The following C17orf107 variants were observed in gnomAD, a reference collection of about 807,000 sequenced individuals.
The protein encoded by C17orf107 is chromosome 17 open reading frame 107.
C17orf107 carries 9 observed loss-of-function variants against 8.9 expected under a neutral mutation model. The observed-to-expected ratio is 1.02, with a 90% CI of 0.61 to 1.77. The LOEUF is 1.77. C17orf107 is among the 40% of genes most tolerant of loss of function. C17orf107 has a pLI of 0.00. For missense variants in C17orf107, 281 were observed against 249.0 expected (o/e 1.13, Z -0.86); for synonymous variants, 139 against 120.3 (o/e 1.16, Z -1.02).
Position 4,901,525 on chromosome 17 carries a change from C to T in C17orf107, c.*992C>T, listed in dbSNP as rs1969983678. Reference sequence around the variant, plus strand: ...TTTTCTGAGCAGGCAGGGGCTTCACCAGTATAGGCCTCTGTGTCGATGTCG... The same window carrying T: ...TTTTCTGAGCAGGCAGGGGCTTCACTAGTATAGGCCTCTGTGTCGATGTCG... On this transcript the variant is annotated 3_prime_UTR_variant, in exon 3 of 3. Coordinates refer to ENST00000381365, the MANE Select transcript of C17orf107 (RefSeq NM_001145536.2). The T allele has an allele frequency of 6.2e-7, 1 of 1,613,880 alleles. No homozygotes were observed. Among genetic ancestry groups the T allele is most frequent in the Admixed American group, 1.7e-5 (1 of 60,012 alleles).
rs1437959064 is a variant in C17orf107 at position 4,900,865 on chromosome 17, G to A, written c.*332G>A. On this transcript the variant is annotated 3_prime_UTR_variant, in exon 3 of 3. Coordinates refer to ENST00000381365, the MANE Select transcript of C17orf107 (RefSeq NM_001145536.2). ...AATGAGGAACAAGAAGACGGTCTGG[G>A]CGAGCAGGACGTTGATGGAGACCGT... The A allele has an allele frequency of 6.2e-7, 1 of 1,614,218 alleles. No homozygotes were observed. The highest frequency in any genetic ancestry group is 1.3e-5 in the African/African-American group (1 of 75,080).
chr17:4,902,977 A>G (rs1429886294), downstream of C17orf107: 2 of 1,612,774 alleles, frequency 1.2e-6, no homozygotes, highest in East Asian at 2.2e-5. This position sits in a 1 kb window ranked among gnomAD's most constrained non-coding sequence, Gnocchi z 4.0. Flanking sequence ...TCATGTCAGT[A>G]TCTGTGTGTG....
downstream of C17orf107, among the ~76,000 whole-genome samples, chr17:4,903,547 G>A (rs898483290): frequency 6.6e-6 from 1 of 152,110 alleles, no homozygotes; most frequent in Non-Finnish European, 1.5e-5. Context: ...TGCCGACAGA[G>A]TGGCAAAAAA....
Position 4,902,155 on chromosome 17 carries a change from C to T in C17orf107, c.*1622C>T, listed in dbSNP as rs1185158099. Reference sequence around the variant, plus strand: ...CCTCTCAGAGTACCCCCTTCCCCAACCAAGTCCAGCCCGCACCCCAGGCCG... The same window carrying T: ...CCTCTCAGAGTACCCCCTTCCCCAATCAAGTCCAGCCCGCACCCCAGGCCG... On this transcript the variant is annotated 3_prime_UTR_variant, in exon 3 of 3. Transcript: ENST00000381365. This position sits in a 1 kb window ranked among gnomAD's most constrained non-coding sequence, Gnocchi z 4.0. The T allele has an allele frequency of 1.2e-6, 2 of 1,613,876 alleles. No individual in the cohort carries two copies. The highest frequency in any genetic ancestry group is 1.7e-6 in the Non-Finnish European group (2 of 1,179,884).
chr17:4,901,504 C>T lies in C17orf107; in HGVS notation c.*971C>T. Reference sequence around the variant, plus strand: ...GGACCCCGTCTAGAAGCGGGTTTTTCTGAGCAGGCAGGGGCTTCACCAGTA... The same window carrying T: ...GGACCCCGTCTAGAAGCGGGTTTTTTTGAGCAGGCAGGGGCTTCACCAGTA... On this transcript the variant is annotated 3_prime_UTR_variant, in exon 3 of 3. Transcript: ENST00000381365. 6.2e-7 allele frequency: 1 copy of T among 1,612,310 alleles called. No individual in the cohort carries two copies. Among genetic ancestry groups the T allele is most frequent in the Non-Finnish European group, 8.5e-7 (1 of 1,178,308 alleles).
rs1382185555 is a variant in C17orf107, at chr17:4,901,199, C to A, written c.*666C>A. On this transcript the variant is annotated 3_prime_UTR_variant, in exon 3 of 3. Transcript: ENST00000381365. ...GGCCCACTCGCCGTTCTCTGCGGGACGGGGGCACGGTCAGCTGGCTGTCAG... is the reference window on the plus strand; with the variant it reads ...GGCCCACTCGCCGTTCTCTGCGGGAAGGGGGCACGGTCAGCTGGCTGTCAG... 1.3e-6 allele frequency: 2 copies of A among 1,599,636 alleles called. No homozygotes were observed. Among genetic ancestry groups the A allele is most frequent in the Non-Finnish European group, 1.7e-6 (2 of 1,177,506 alleles).
rs749801173 is a variant in C17orf107 at position 4,900,463 on chromosome 17, G to C, written c.503G>C (p.Arg168Pro). 9 of 1,551,116 alleles carry C rather than the reference G, an allele frequency of 5.8e-6. No individual in the cohort carries two copies. The South Asian group carries it at 1.1e-4, about 18-fold the overall frequency. ...RGLQGSASFL[R>P]QSQQQLGLGI... ...CTGCAGGGGTCTGCCTCATTCCTGC[G>C]ACAGTCGCAACAGCAGCTAGGCCTC... is the stretch of plus-strand genomic sequence containing the variant. Residue 168 changes from arginine (R) to proline (P), a missense_variant, in exon 3 of 3, where the codon CGA (arginine) becomes CCA (proline). Arg to Pro is a moderately radical substitution (Grantham distance 103). Transcript: ENST00000381365.
rs866487633 is a variant in C17orf107 at position 4,902,743 on chromosome 17, C to T, written c.*2210C>T. 2 of 1,614,046 alleles carry T rather than the reference C, an allele frequency of 1.2e-6. No homozygotes were observed. Among genetic ancestry groups the T allele is most frequent in the African/African-American group, 1.3e-5 (1 of 74,986 alleles). ...AGATGGTGATAAAGACGCAGTTCCT[C>T]GTTCTTCCCCACACCCCTGCCTGCG... On this transcript the variant is annotated 3_prime_UTR_variant, in exon 3 of 3. Coordinates refer to ENST00000381365, the MANE Select transcript of C17orf107 (RefSeq NM_001145536.2). This position sits in a 1 kb window ranked among gnomAD's most constrained non-coding sequence, Gnocchi z 4.0.
downstream of C17orf107, chr17:4,903,147 G>C (rs1207306619): frequency 7.1e-7 from 1 of 1,402,570 alleles, no homozygotes; most frequent in East Asian, 2.3e-5. Context: ...GGGGGAGGAG[G>C]GTGTTAGTTC....
rs1041189060 is a variant in C17orf107 at position 4,901,744 on chromosome 17, A to T, written c.*1211A>T. Reference sequence around the variant, plus strand: ...GATCCCAAGCCCACCCCTTCACCCAAGCCCAGCCCGCACGCCTCTGTTCCC... The same window carrying T: ...GATCCCAAGCCCACCCCTTCACCCATGCCCAGCCCGCACGCCTCTGTTCCC... On this transcript the variant is annotated 3_prime_UTR_variant, in exon 3 of 3. Coordinates refer to ENST00000381365, the MANE Select transcript of C17orf107 (RefSeq NM_001145536.2). 3.2e-6 allele frequency: 4 copies of T among 1,264,524 alleles called. No homozygotes were observed. Among genetic ancestry groups the T allele is most frequent in the Non-Finnish European group, 4.5e-6 (4 of 883,174 alleles). 78.3% of individuals were successfully genotyped at this position (1,264,524 alleles called of 1,614,324 possible).
rs1276426047 is a variant in C17orf107 at position 4,902,232 on chromosome 17, A to G, written c.*1699A>G. 2.5e-6 allele frequency: 4 copies of G among 1,613,700 alleles called. No homozygotes were observed. In the African/African-American group the frequency reaches 5.3e-5, roughly 22 times the overall value. ...CGGTTCTCACTTGTTTTCCAGCACAATCTCTGGCAGCCACACGAGTTCTGA... is the reference window on the plus strand; with the variant it reads ...CGGTTCTCACTTGTTTTCCAGCACAGTCTCTGGCAGCCACACGAGTTCTGA... On this transcript the variant is annotated 3_prime_UTR_variant, in exon 3 of 3. Coordinates refer to ENST00000381365, the MANE Select transcript of C17orf107 (RefSeq NM_001145536.2). The surrounding 1 kb of genome is among the most constrained non-coding windows in gnomAD (Gnocchi z 4.0).
downstream of C17orf107, among the ~76,000 whole-genome samples, chr17:4,904,111 C>G (rs2151099858): frequency 6.6e-6 from 1 of 152,292 alleles, no homozygotes; most frequent in East Asian, 1.9e-4. Context: ...CCTACCTGGG[C>G]CTCCCAAAGT....
chr17:4,900,019 G>T lies in C17orf107; in HGVS notation c.150G>T (p.Glu50Asp). 6.4e-7 allele frequency: 1 copy of T among 1,551,532 alleles called. No homozygotes were observed. Among genetic ancestry groups the T allele is most frequent in the Non-Finnish European group, 8.7e-7 (1 of 1,146,998 alleles). Residue 50 changes from glutamate (E) to aspartate (D), a missense_variant, in exon 2 of 3, where the codon GAG (glutamate) becomes GAT (aspartate). Coordinates refer to ENST00000381365, the MANE Select transcript of C17orf107 (RefSeq NM_001145536.2). Reference protein sequence around the residue: ...AHEYLEQRFRELKSLEPPEPK... With the variant: ...AHEYLEQRFRDLKSLEPPEPK... ...AATATCTGGAGCAGAGGTTCAGAGA[G>T]CTGAAGTCCCTGGAGCCACCCGAAC...
In C17orf107 at chr17:4,901,661, T is replaced by A. The variant is rs1969989364; in HGVS notation, c.*1128T>A. 2.0e-5 allele frequency: 32 copies of A among 1,584,074 alleles called. No homozygotes were observed. The highest frequency in any genetic ancestry group is 2.7e-5 in the Non-Finnish European group (31 of 1,154,150). On this transcript the variant is annotated 3_prime_UTR_variant, in exon 3 of 3. Coordinates refer to ENST00000381365, the MANE Select transcript of C17orf107 (RefSeq NM_001145536.2). ...AGGGCCGGGAGCCCACCCCAGAAGC[T>A]CTGACCTGGGCCCCGGCCTCAGGCC...
downstream of C17orf107, among the ~76,000 whole-genome samples, chr17:4,906,616 G>A (rs1970095389): frequency 6.6e-6 from 1 of 152,106 alleles, no homozygotes; most frequent in African/African-American, 2.4e-5. Context: ...TCACTGGGAG[G>A]CTGAGGTAGG....
Position 4,901,857 on chromosome 17 carries a change from G to T in C17orf107, c.*1324G>T, listed in dbSNP as rs1372155792. 6.9e-6 allele frequency: 11 copies of T among 1,593,098 alleles called. No individual in the cohort carries two copies. The highest frequency in any genetic ancestry group is 9.4e-6 in the Non-Finnish European group (11 of 1,165,570). On this transcript the variant is annotated 3_prime_UTR_variant, in exon 3 of 3. Coordinates refer to ENST00000381365, the MANE Select transcript of C17orf107 (RefSeq NM_001145536.2). ...CGCGAAGCCCCGCCCCGAGGGCGGTGCTTCCCGGTTGGCCCCGCCCCATAA... is the reference window on the plus strand; with the variant it reads ...CGCGAAGCCCCGCCCCGAGGGCGGTTCTTCCCGGTTGGCCCCGCCCCATAA...
chr17:4,901,707 T>G lies in C17orf107; in HGVS notation c.*1174T>G, dbSNP rs918010696. 2.8e-5 allele frequency: 40 copies of G among 1,412,396 alleles called. No homozygotes were observed. Among genetic ancestry groups the G allele is most frequent in the Non-Finnish European group, 4.0e-5 (40 of 1,007,410 alleles). The allele number at this position is 1,412,396 out of a possible 1,614,324, so 87.5% of individuals were successfully genotyped here. On this transcript the variant is annotated 3_prime_UTR_variant, in exon 3 of 3. Coordinates refer to ENST00000381365, the MANE Select transcript of C17orf107 (RefSeq NM_001145536.2). ...AGGCCCAGCCCTGGAAGCTGGGATCTAGCGGGGCCGCGATCCCAAGCCCAC... is the reference window on the plus strand; with the variant it reads ...AGGCCCAGCCCTGGAAGCTGGGATCGAGCGGGGCCGCGATCCCAAGCCCAC...
chr17:4,901,231 G>A lies in C17orf107; in HGVS notation c.*698G>A. 6.3e-7 allele frequency: 1 copy of A among 1,586,990 alleles called. No individual in the cohort carries two copies. Among genetic ancestry groups the A allele is most frequent in the Non-Finnish European group, 8.5e-7 (1 of 1,171,220 alleles). ...ACGGTCAGCTGGCTGTCAGAGCGGG[G>A]CGCCCGCCGAGCTGACAGCGGGCTG... On this transcript the variant is annotated 3_prime_UTR_variant, in exon 3 of 3. Coordinates refer to ENST00000381365, the MANE Select transcript of C17orf107 (RefSeq NM_001145536.2).
In C17orf107 at chr17:4,900,643, A is replaced by G; in HGVS notation, c.*110A>G. ...GCAGCAGTGAGGAGGACGGCGGACC[A>G]GGGACTCCATCCCCGTACCAGCCCC... On this transcript the variant is annotated 3_prime_UTR_variant, in exon 3 of 3. Coordinates refer to ENST00000381365, the MANE Select transcript of C17orf107 (RefSeq NM_001145536.2). 6.8e-7 allele frequency: 1 copy of G among 1,461,218 alleles called. No individual in the cohort carries two copies. The highest frequency in any genetic ancestry group is 9.3e-7 in the Non-Finnish European group (1 of 1,073,614). 90.5% of individuals were successfully genotyped at this position (1,461,218 alleles called of 1,614,324 possible).
Sources: gnomAD v4.1 joint callset for allele counts (sites outside exome capture counted in the v4.1 genomes callset) on GRCh38, gnomAD v4.1.1 for gene constraint, Gnocchi (gnomAD v3.1) non-coding constraint, MANE v1.5 for transcripts, NCBI Gene and HGNC (gene_info 2026-07-23, HGNC 2026-07-21) for gene names.